MAP3K20: variants seen among roughly 807,000 people sequenced by gnomAD.
MAP3K20 encodes HCCS-4.
MAP3K20 carries 40 observed loss-of-function variants against 85.7 expected under a neutral mutation model. That is an observed-to-expected ratio of 0.47 (90% CI 0.36 to 0.61). The LOEUF is 0.61. MAP3K20 is among the 20% of genes least tolerant of loss of function. The pLI, the probability that MAP3K20 is intolerant of heterozygous loss-of-function variation, is 0.00. For synonymous variants in MAP3K20, 325 were observed against 327.7 expected, an observed-to-expected ratio of 0.99 and a Z score of 0.09; for missense variants, 817 against 961.7, an observed-to-expected ratio of 0.85 and a Z score of 1.99.
chr2:173,164,757 A>G (rs1428009712), intron 2 of MAP3K20, among the ~76,000 whole-genome samples: 1 of 152,228 alleles, frequency 6.6e-6, no homozygotes, highest in Non-Finnish European at 1.5e-5. Context: ...AGATAATTAA[A>G]ACTATGATAT....
At chr2:173,146,565 T>C (rs778348772) in intron 2 of MAP3K20, among the ~76,000 whole-genome samples, 3 of 152,192 alleles carry the variant, frequency 2.0e-5, no homozygotes, top group Admixed American at 6.5e-5. Context: ...TTCCCAGTTC[T>C]CCTCAAGTCC....
chr2:173,154,829 A>G (rs1423676744), intron 2 of MAP3K20, among the ~76,000 whole-genome samples: 1 of 152,228 alleles, frequency 6.6e-6, no homozygotes, highest in Non-Finnish European at 1.5e-5. Flanking sequence ...CTTGAAAGAA[A>G]AGATCAGAAT....
chr2:173,144,708 G>T (rs1574054374), intron 2 of MAP3K20, among the ~76,000 whole-genome samples: 2 of 151,570 alleles, frequency 1.3e-5, no homozygotes, highest in African/African-American at 4.8e-5. Flanking sequence ...AAACAAAAAA[G>T]ACCTAAATAA....
In MAP3K20 at chr2:173,258,339, C is replaced by A. The variant is rs139043449; in HGVS notation, c.1360-360C>A. Among the ~76,000 whole-genome samples the A allele has an allele frequency of 8.1e-4, 124 of 152,250 alleles. No homozygotes were observed. The South Asian group carries it at 0.016, about 19-fold the overall frequency. Reference sequence around the variant, plus strand: ...TTGTGGCAATGAGAAAATGTTCCTACAATGTTTAATATGTAAATTAAATGG... The same window carrying A: ...TTGTGGCAATGAGAAAATGTTCCTAAAATGTTTAATATGTAAATTAAATGG... On this transcript the variant is annotated intron_variant, in intron 16 of 19. Coordinates refer to ENST00000375213, the MANE Select transcript of MAP3K20 (RefSeq NM_016653.3).
intron 2 of MAP3K20, among the ~76,000 whole-genome samples, chr2:173,135,432 A>G (rs1448370337): frequency 6.6e-6 from 1 of 152,160 alleles, no homozygotes; most frequent in African/African-American, 2.4e-5. Context: ...CTGCATGGAG[A>G]CTCTGGAAAG....
Position 173,233,775 on chromosome 2 carries a change from C to A in MAP3K20, c.1203+1316C>A, listed in dbSNP as rs180953608. ...ATCTCCATTAAGGCCCAAAGAGAGC[C>A]CATTCATTTCATTCTGTGGACCCTA... On this transcript the variant is annotated intron_variant, in intron 14 of 19. Coordinates refer to ENST00000375213, the MANE Select transcript of MAP3K20 (RefSeq NM_016653.3). 1.4e-4 allele frequency among the ~76,000 whole-genome samples: 22 copies of A among 152,254 alleles called. No individual in the cohort carries two copies. The East Asian group carries it at 3.9e-3, about 27-fold the overall frequency.
chr2:173,112,496 G>A (rs1470275117), intron 2 of MAP3K20, among the ~76,000 whole-genome samples: 4 of 152,170 alleles, frequency 2.6e-5, no homozygotes. Context: ...AGTTCTCAGA[G>A]AGAATGCTTT....
chr2:173,120,692 C>T (rs1174054585), intron 2 of MAP3K20, among the ~76,000 whole-genome samples: 2 of 140,020 alleles, frequency 1.4e-5, no homozygotes, highest in Non-Finnish European at 3.1e-5. Context: ...ATAGGAGTCA[C>T]TCTCACTTCT....
At chr2:173,188,331 A>C (rs1197853354) in intron 5 of MAP3K20, among the ~76,000 whole-genome samples, 1 of 152,238 alleles carries the variant, frequency 6.6e-6, no homozygotes, top group Non-Finnish European at 1.5e-5. Flanking sequence ...GAAAGGCAGT[A>C]GCATTATAGC....
In MAP3K20 at chr2:173,198,366, T is replaced by C. The variant is rs571675538; in HGVS notation, c.669+254T>C. On this transcript the variant is annotated intron_variant, in intron 8 of 19. Transcript: ENST00000375213. The surrounding 1 kb of genome is among the most constrained non-coding windows in gnomAD (Gnocchi z 5.8). ...TACTGTACTAGTTTCTCAGTCTCAA[T>C]TGTAAAACCTAGGGGTTTGTTCTTA... The C allele has an allele frequency of 4.0e-6, 1 of 249,460 alleles. No individual in the cohort carries two copies. Among genetic ancestry groups the C allele is most frequent in the African/African-American group, 2.3e-5 (1 of 43,958 alleles). The allele number at this position is 249,460 out of a possible 1,614,324, so 15.5% of individuals were successfully genotyped here. A position where few individuals can be genotyped will look rare whatever the true frequency, so the allele number is the denominator to read the frequency against.
intron 14 of MAP3K20, among the ~76,000 whole-genome samples, chr2:173,233,422 C>T (rs556608412): frequency 3.9e-5 from 6 of 152,242 alleles, no homozygotes; most frequent in South Asian, 2.1e-4. Context: ...TTGTGGTGGT[C>T]GTGGTCATGG....
chr2:173,164,037 G>A (rs6759551), intron 2 of MAP3K20, among the ~76,000 whole-genome samples: 14 of 151,488 alleles, frequency 9.2e-5, no homozygotes, highest in African/African-American at 3.4e-4. Flanking sequence ...TCGGCTCACT[G>A]CAACCTCCGC....
intron 11 of MAP3K20, chr2:173,221,700 T>C: frequency 2.3e-6 from 3 of 1,317,948 alleles, no homozygotes; most frequent in Non-Finnish European, 1.9e-6. Context: ...TTATTTTTGC[T>C]TACAGAAAAA....
intron 11 of MAP3K20, chr2:173,221,605 AAAAC>A: frequency 7.2e-7 from 1 of 1,394,578 alleles, no homozygotes; most frequent in Non-Finnish European, 9.4e-7. Flanking sequence ...AGTCTGTACA[AAAAC>A]AGTAAGGAGG....
intron 2 of MAP3K20, among the ~76,000 whole-genome samples, chr2:173,137,100 T>G (rs540743515): frequency 1.4e-3 from 219 of 152,362 alleles, no homozygotes; most frequent in African/African-American, 5.1e-3. Context: ...GCTGTGTTTG[T>G]GAACTTTACG....
chr2:173,204,770 C>T (rs1425795333), intron 9 of MAP3K20, among the ~76,000 whole-genome samples: 1 of 152,088 alleles, frequency 6.6e-6, no homozygotes, highest in Non-Finnish European at 1.5e-5. Context: ...ATTGTTATCT[C>T]TACTTTTGTA....
chr2:173,141,548 TA>T (rs1688971864), intron 2 of MAP3K20, among the ~76,000 whole-genome samples: 3 of 152,210 alleles, frequency 2.0e-5, no homozygotes, highest in African/African-American at 7.2e-5. Context: ...AAAAAAATTT[TA>T]AAAATTGAGC....
At chr2:173,221,978 A>C (rs1249086071) in intron 11 of MAP3K20, 1 of 985,930 alleles carries the variant, frequency 1.0e-6, no homozygotes, top group South Asian at 4.7e-5. Flanking sequence ...TTTTTCTTAT[A>C]GCAATACACT....
chr2:173,113,017 A>G (rs1688017770), intron 2 of MAP3K20, among the ~76,000 whole-genome samples: 2 of 152,180 alleles, frequency 1.3e-5, no homozygotes, highest in Non-Finnish European at 2.9e-5. Context: ...AATGTCTGCT[A>G]GAATTCTGCT....
Sources: gnomAD v4.1 joint callset for allele counts (sites outside exome capture counted in the v4.1 genomes callset) on GRCh38, gnomAD v4.1.1 for gene constraint, Gnocchi (gnomAD v3.1) non-coding constraint, MANE v1.5 for transcripts, NCBI Gene and HGNC (gene_info 2026-07-23, HGNC 2026-07-21) for gene names.